RBFOX1: variants seen among roughly 807,000 people sequenced by gnomAD.
RBFOX1 encodes the protein RNA binding protein fox-1 homolog 1.
A neutral mutation model predicts 57.7 loss-of-function variants in RBFOX1; 8 were observed. The observed-to-expected ratio is 0.14, with a 90% CI of 0.08 to 0.25. The LOEUF is 0.25. Ranked by LOEUF, RBFOX1 falls within the 10% of genes least tolerant of loss-of-function variation. RBFOX1 has a pLI of 1.00. For synonymous variants in RBFOX1, 326 were observed against 222.4 expected (o/e 1.47, Z -4.15); for missense variants, 611 against 548.5 (o/e 1.11, Z -1.14).
chr16:7,442,487 G>T (rs189637590), intron 4 of RBFOX1, among the ~76,000 whole-genome samples: 11 of 152,258 alleles, frequency 7.2e-5, no homozygotes, highest in African/African-American at 2.6e-4. Context: ...AGGAGGTTGG[G>T]CAGGGAGGTG....
intron 1 of RBFOX1, among the ~76,000 whole-genome samples, chr16:6,245,495 G>T (rs542672647): frequency 1.3e-5 from 2 of 152,278 alleles, no homozygotes; most frequent in African/African-American, 2.4e-5. Flanking sequence ...CCAATGACAA[G>T]ATAGCATGCC....
chr16:6,668,292 G>C (rs1420915525), intron 3 of RBFOX1, among the ~76,000 whole-genome samples: 2 of 152,188 alleles, frequency 1.3e-5, no homozygotes, highest in East Asian at 3.9e-4. Flanking sequence ...AAGAGTGCAT[G>C]ATTGATTAGT....
chr16:6,437,693 C>G (rs1381697263), intron 2 of RBFOX1, among the ~76,000 whole-genome samples: 1 of 152,164 alleles, frequency 6.6e-6, no homozygotes, highest in Non-Finnish European at 1.5e-5. Context: ...CCTCAGGAAA[C>G]TTACAATCAT....
chr16:7,473,750 C>T (rs2062039322), intron 4 of RBFOX1, among the ~76,000 whole-genome samples: 1 of 152,052 alleles, frequency 6.6e-6, no homozygotes, highest in Non-Finnish European at 1.5e-5. Context: ...CCCCAACCTC[C>T]ACTTCTTGGC....
At chr16:6,343,969 T>C (rs1324497215) in intron 2 of RBFOX1, among the ~76,000 whole-genome samples, 1 of 152,218 alleles carries the variant, frequency 6.6e-6, no homozygotes, top group East Asian at 1.9e-4. Context: ...GAGCACAGTC[T>C]AATTCTAATC....
chr16:7,060,740 G>C (rs772013035), intron 4 of RBFOX1, among the ~76,000 whole-genome samples: 6 of 152,124 alleles, frequency 3.9e-5, no homozygotes, highest in Non-Finnish European at 5.9e-5. Flanking sequence ...ATACATCCTG[G>C]TGCTTGTCCT....
chr16:7,308,285 C>T (rs892737751), intron 4 of RBFOX1, among the ~76,000 whole-genome samples: 2 of 123,152 alleles, frequency 1.6e-5, no homozygotes, highest in African/African-American at 6.4e-5. Flanking sequence ...GTGTCAGATT[C>T]CACCCAGAGC....
At chr16:6,511,945 C>G (rs373360635) in intron 2 of RBFOX1, among the ~76,000 whole-genome samples, 7 of 152,036 alleles carry the variant, frequency 4.6e-5, no homozygotes, top group African/African-American at 1.7e-4. Context: ...TTCATAACAG[C>G]CAGGTCTTTC....
Position 7,648,139 on chromosome 16 carries a change from C to A in RBFOX1, c.758-5676C>A, listed in dbSNP as rs145854578. Reference sequence around the variant, plus strand: ...TGTGTGTGTGCATGTGTGTATTTTGCCCTTGAAATGGATTATTCGTGTTAG... The same window carrying A: ...TGTGTGTGTGCATGTGTGTATTTTGACCTTGAAATGGATTATTCGTGTTAG... On this transcript the variant is annotated intron_variant, in intron 11 of 15. Transcript: ENST00000550418. Among the ~76,000 whole-genome samples the A allele has an allele frequency of 7.9e-5, 12 of 152,218 alleles. No homozygotes were observed. The East Asian group carries it at 2.1e-3, about 27-fold the overall frequency.
chr16:6,108,846 T>A (rs886229942), intron 1 of RBFOX1, among the ~76,000 whole-genome samples: 26 of 152,108 alleles, frequency 1.7e-4, no homozygotes, highest in Non-Finnish European at 3.4e-4. Flanking sequence ...ACACGTCTGA[T>A]CTCCCTCTGC....
At chr16:5,721,290 A>T (rs1465589806) in intron 3 of RBFOX1, among the ~76,000 whole-genome samples, 1 of 152,168 alleles carries the variant, frequency 6.6e-6, no homozygotes, top group African/African-American at 2.4e-5. Context: ...ATTTTTGCAA[A>T]TTAATCTTAT....
intron 2 of RBFOX1, among the ~76,000 whole-genome samples, chr16:6,464,644 A>T (rs796304218): frequency 1.3e-5 from 2 of 152,228 alleles, no homozygotes; most frequent in Non-Finnish European, 2.9e-5. Flanking sequence ...TAGCCCTAAC[A>T]TCGCTGCTAT....
intron 3 of RBFOX1, among the ~76,000 whole-genome samples, chr16:7,048,329 G>A (rs2048764006): frequency 6.6e-6 from 1 of 151,810 alleles, no homozygotes; most frequent in African/African-American, 2.4e-5. Context: ...GCACAATCTT[G>A]GCTCACTGCA....
intron 3 of RBFOX1, among the ~76,000 whole-genome samples, chr16:6,676,208 G>A (rs1057329602): frequency 2.6e-5 from 4 of 151,702 alleles, no homozygotes; most frequent in Non-Finnish European, 4.4e-5. Context: ...GGATCAGATA[G>A]GTAGGCTGGA....
downstream of RBFOX1, among the ~76,000 whole-genome samples, chr16:5,604,733 A>C (rs1406683284): frequency 6.6e-6 from 1 of 152,102 alleles, no homozygotes; most frequent in South Asian, 2.1e-4. Flanking sequence ...CTTGGGGCCA[A>C]GTGTGCTGCT....
intron 3 of RBFOX1, among the ~76,000 whole-genome samples, chr16:6,909,369 A>C (rs1250984683): frequency 6.6e-6 from 1 of 152,190 alleles, no homozygotes; most frequent in Non-Finnish European, 1.5e-5. Flanking sequence ...GTCCACCTGG[A>C]TAATCCTGGC....
At chr16:5,764,619 C>G (rs1372529534) in intron 3 of RBFOX1, among the ~76,000 whole-genome samples, 1 of 152,072 alleles carries the variant, frequency 6.6e-6, no homozygotes, top group African/African-American at 2.4e-5. Context: ...CATGCTGAGA[C>G]CTGGTAAGGA....
rs1276861066 is a variant in RBFOX1, at chr16:7,711,278, A to T, written c.*533A>T. On this transcript the variant is annotated 3_prime_UTR_variant, in exon 16 of 16. Coordinates refer to ENST00000550418, the MANE Select transcript of RBFOX1 (RefSeq NM_018723.4). Reference sequence around the variant, plus strand: ...ATCTAAACGACCCACTGCACCAACAATCATTTATCAATGGTTCTAAGTTAC... The same window carrying T: ...ATCTAAACGACCCACTGCACCAACATTCATTTATCAATGGTTCTAAGTTAC... 1 of 152,476 alleles carries T rather than the reference A, an allele frequency of 6.6e-6. No homozygotes were observed. Among genetic ancestry groups the T allele is most frequent in the African/African-American group, 2.4e-5 (1 of 41,426 alleles). 9.4% of individuals were successfully genotyped at this position (152,476 alleles called of 1,614,324 possible). A position where few individuals can be genotyped will look rare whatever the true frequency, so the allele number is the denominator to read the frequency against.
rs545211772 is a variant in RBFOX1, at chr16:7,409,799, G to T, written c.28-108348G>T. ...TTGCTCTGGGCATTCCTTGCTGAAG[G>T]TCAGGAGCTGTGAAATTTCTCTTTA... On this transcript the variant is annotated intron_variant, in intron 4 of 15. Transcript: ENST00000550418. Among the ~76,000 whole-genome samples, 5 of 152,306 alleles carry T rather than the reference G, an allele frequency of 3.3e-5. No individual in the cohort carries two copies. The East Asian group carries it at 9.7e-4, about 29-fold the overall frequency.
Sources: allele counts gnomAD v4.1 joint callset (sites outside exome capture counted in the v4.1 genomes callset), GRCh38; gene constraint gnomAD v4.1.1; transcripts MANE v1.5; gene names NCBI Gene and HGNC (gene_info 2026-07-23, HGNC 2026-07-21).